MTIF2: variants seen among roughly 807,000 people sequenced by gnomAD.
The protein encoded by MTIF2 is mitochondrial translational initiation factor 2.
MTIF2 carries 71 observed loss-of-function variants against 83.5 expected under a neutral mutation model. The observed-to-expected ratio is 0.85, with a 90% CI of 0.70 to 1.04. MTIF2 has a LOEUF of 1.04. MTIF2 is among the 50% of genes least tolerant of loss of function. The probability of loss-of-function intolerance (pLI) is 0.00; values close to 1 mark genes in which losing one functional copy is unlikely to be tolerated. For synonymous variants in MTIF2, 319 were observed against 287.1 expected (o/e 1.11, Z -1.12); for missense variants, 957 against 846.5 (o/e 1.13, Z -1.62).
chr2:55,241,257 A>C (rs1017855754), intron 13 of MTIF2, among the ~76,000 whole-genome samples: 2 of 151,602 alleles, frequency 1.3e-5, no homozygotes, highest in Admixed American at 6.6e-5. Context: ...GTCTCTACTA[A>C]AAATACAAAA....
At chr2:55,250,291 T>G (rs945803707) in intron 8 of MTIF2, among the ~76,000 whole-genome samples, 1 of 152,024 alleles carries the variant, frequency 6.6e-6, no homozygotes, top group African/African-American at 2.4e-5. Flanking sequence ...TTGAAAAAAA[T>G]GTGTGTGTTA....
At chr2:55,257,615 C>A (rs1293521108) in intron 5 of MTIF2, among the ~76,000 whole-genome samples, 3 of 152,192 alleles carry the variant, frequency 2.0e-5, no homozygotes, top group Non-Finnish European at 4.4e-5. Context: ...ACAGTATTCT[C>A]CAATTTCCAT....
At chr2:55,268,009 T>A (rs1176500426) in intron 2 of MTIF2, among the ~76,000 whole-genome samples, 3 of 152,190 alleles carry the variant, frequency 2.0e-5, no homozygotes, top group African/African-American at 7.2e-5. Context: ...TCCTAGCACT[T>A]TGGGAGGTCG....
intron 9 of MTIF2, among the ~76,000 whole-genome samples, chr2:55,248,922 G>A (rs1676891640): frequency 6.6e-6 from 1 of 151,968 alleles, no homozygotes; most frequent in Admixed American, 6.6e-5. Flanking sequence ...AATGGCTTGA[G>A]GCCAGGTGTT....
At position 55,263,853 on chromosome 2, in the gene MTIF2, G is replaced by T. The variant is rs145314729; in HGVS notation, c.6C>A (p.Asn2Lys). 2 of 1,608,276 alleles carry T rather than the reference G, an allele frequency of 1.2e-6. No individual in the cohort carries two copies. Among genetic ancestry groups the T allele is most frequent in the Non-Finnish European group, 1.7e-6 (2 of 1,177,878 alleles). M[N>K]QKLLKLENLL... ...AGTTCTCCAACTTCAGTAGCTTCTG[G>T]TTCATGTTTCTCCTGGGGAAAAAAA... The change falls in exon 4 of 16, where the codon AAC becomes AAA. Residue 2 changes from asparagine to lysine, a missense_variant. By Grantham distance (94) the Asn-to-Lys change is moderately conservative (BLOSUM62 0). Coordinates refer to ENST00000263629, the MANE Select transcript of MTIF2 (RefSeq NM_002453.3).
At position 55,244,150 on chromosome 2, in the gene MTIF2, C is replaced by T. The variant is rs759800202; in HGVS notation, c.1190G>A (p.Arg397His). 18 of 1,614,056 alleles carry T rather than the reference C, an allele frequency of 1.1e-5. No homozygotes were observed. The highest frequency in any genetic ancestry group is 2.2e-5 in the South Asian group (2 of 91,090). ...TTTTCCATTTTCATCAAACATTAAG[C>T]GTACTTTTGCCCAACATTTTCCAGC... ...LVAGKCWAKV[R>H]LMFDENGKTI... The change falls in exon 11 of 16, where the codon CGC becomes CAC. Residue 397 changes from arginine (R) to histidine (H), a missense_variant. This residue lies in a region of MTIF2 where 733 missense variants were observed against 648.7 expected (regional missense o/e 1.13). Transcript: ENST00000263629.
chr2:55,242,318 T>A (rs1404185325), intron 13 of MTIF2, among the ~76,000 whole-genome samples: 2 of 152,194 alleles, frequency 1.3e-5, no homozygotes, highest in African/African-American at 4.8e-5. Context: ...AAGTCAGGTT[T>A]CAAAGCATCT....
chr2:55,252,715 A>C, intron 7 of MTIF2, 62 bp from the exon 8 acceptor site: 1 of 1,169,268 alleles, frequency 8.6e-7, no homozygotes, highest in Non-Finnish European at 1.2e-6. Context: ...AATACCAAAG[A>C]ATATATGCGA....
intron 2 of MTIF2, among the ~76,000 whole-genome samples, chr2:55,268,351 C>T (rs1208156644): frequency 1.3e-5 from 2 of 152,228 alleles, no homozygotes; most frequent in East Asian, 1.9e-4. Flanking sequence ...TACGTTTGTG[C>T]CCCTGGACCA....
intron 1 of MTIF2, 37 bp downstream of exon 1, chr2:55,269,132 A>C (rs1678651570): frequency 6.6e-6 from 1 of 152,284 alleles, no homozygotes. Context: ...TGCACCGGAC[A>C]ACCCTGGTTA....
intron 3 of MTIF2, among the ~76,000 whole-genome samples, 199 bp from the exon 4 acceptor site, chr2:55,264,064 CTAT>C (rs1250531532): frequency 6.6e-6 from 1 of 152,082 alleles, no homozygotes; most frequent in African/African-American, 2.4e-5. Flanking sequence ...TAAATACTAG[CTAT>C]TATTATTACT....
intron 3 of MTIF2, among the ~76,000 whole-genome samples, chr2:55,266,852 C>G (rs567443676): frequency 1.4e-5 from 2 of 146,818 alleles, no homozygotes; most frequent in East Asian, 4.1e-4. Context: ...ACTGCAACCT[C>G]TGCCTCCTGG....
At chr2:55,261,111 C>T (rs984424983) in intron 5 of MTIF2, among the ~76,000 whole-genome samples, 3 of 151,472 alleles carry the variant, frequency 2.0e-5, no homozygotes, top group Non-Finnish European at 2.9e-5. Flanking sequence ...CTCAGCCTCC[C>T]GAGTAGCTGG....
chr2:55,255,055 T>G (rs1160034508), intron 5 of MTIF2, among the ~76,000 whole-genome samples: 1 of 152,068 alleles, frequency 6.6e-6, no homozygotes, highest in Non-Finnish European at 1.5e-5. Flanking sequence ...TATTTGAATA[T>G]TTATGTATTC....
At chr2:55,260,992 C>CT (rs34082053) in intron 5 of MTIF2, among the ~76,000 whole-genome samples, 8,008 of 145,112 alleles carry the variant, frequency 0.055, 308 homozygotes, top group Non-Finnish European at 0.081. Flanking sequence ...ACCAGTATTT[C>CT]TTTTTTTTTT....
Position 55,242,929 on chromosome 2 carries a change from G to C in MTIF2, c.1705+11C>G, listed in dbSNP as rs369214494. 42 of 1,600,266 alleles carry C rather than the reference G, an allele frequency of 2.6e-5. No individual in the cohort carries two copies. The African/African-American group carries it at 4.0e-4, about 15-fold the overall frequency. The stretch of plus-strand genomic sequence containing the variant: ...GGAACACAGATTAACAAGAAGAAAT[G>C]GAATCCTTACCATCAAATGTTTCAG... On this transcript the variant is annotated intron_variant, in intron 13 of 15. Coordinates refer to ENST00000263629, the MANE Select transcript of MTIF2 (RefSeq NM_002453.3).
Position 55,254,649 on chromosome 2 carries a change from T to C in MTIF2, c.503+5A>G, listed in dbSNP as rs773785337. On this transcript the variant is annotated splice_donor_5th_base_variant and intron_variant, in intron 6 of 15. Transcript: ENST00000263629. ...ACCCTGCCAGTATATACAGTTAAGTTTTACCTTCTTACAGCATCTTTATTT... is the reference window on the plus strand; with the variant it reads ...ACCCTGCCAGTATATACAGTTAAGTCTTACCTTCTTACAGCATCTTTATTT... 4 of 1,592,666 alleles carry C rather than the reference T, an allele frequency of 2.5e-6. No individual in the cohort carries two copies. In the Admixed American group the frequency reaches 7.0e-5, roughly 28 times the overall value.
chr2:55,252,018 T>C (rs964926754), intron 8 of MTIF2, among the ~76,000 whole-genome samples: 1 of 152,210 alleles, frequency 6.6e-6, no homozygotes, highest in Non-Finnish European at 1.5e-5. Context: ...TCCAAAAGTC[T>C]GAATTTTATA....
rs565116018 is a variant in MTIF2, at chr2:55,254,198, G to C, written c.507C>G (p.Pro169=). 2 of 1,610,426 alleles carry C rather than the reference G, an allele frequency of 1.2e-6. No homozygotes were observed. Among genetic ancestry groups the C allele is most frequent in the South Asian group, 1.1e-5 (1 of 90,264 alleles). The change falls in exon 7 of 16, where the codon CCC becomes CCG. Residue 169 remains proline, a synonymous_variant. Transcript: ENST00000263629. The part of the protein sequence containing the change: ...VRKNKDAVRR[P]QADPALLTPR... ...GGGTTAATAAAGCTGGATCTGCCTG[G>C]GGCCTACAATTAACAGCAAAAGAGT...
Sources: allele counts gnomAD v4.1 joint callset (sites outside exome capture counted in the v4.1 genomes callset), GRCh38; gene constraint gnomAD v4.1.1; regional missense constraint gnomAD v4.1.1; transcripts MANE v1.5; gene names NCBI Gene and HGNC (gene_info 2026-07-23, HGNC 2026-07-21).